Variants in MAML2 observed in about 807,000 individuals in gnomAD.
The protein encoded by MAML2 is mastermind like transcriptional coactivator 2, also known as mastermind-like protein 2.
A neutral mutation model predicts 96.1 loss-of-function variants in MAML2; 22 were observed. That is an observed-to-expected ratio of 0.23 (90% CI 0.16 to 0.33). MAML2 has a LOEUF of 0.33. MAML2 is among the 10% of genes least tolerant of loss of function. The probability of loss-of-function intolerance (pLI) is 1.00; values close to 1 mark genes in which losing one functional copy is unlikely to be tolerated. For missense variants in MAML2, 1,367 were observed against 1,392.4 expected, an observed-to-expected ratio of 0.98 and a Z score of 0.29; for synonymous variants, 561 against 521.3, an observed-to-expected ratio of 1.08 and a Z score of -1.04.
intron 1 of MAML2, among the ~76,000 whole-genome samples, chr11:96,261,424 A>G (rs1249675244): frequency 6.6e-6 from 1 of 152,218 alleles, no homozygotes; most frequent in Non-Finnish European, 1.5e-5. Context: ...AAAACAAACT[A>G]AGACACTCCA....
chr11:96,088,791 G>T (rs1354915084), intron 2 of MAML2, among the ~76,000 whole-genome samples: 1 of 152,084 alleles, frequency 6.6e-6, no homozygotes, highest in African/African-American at 2.4e-5. Flanking sequence ...GAAAATAGAG[G>T]TAGGTACACA....
At chr11:96,184,974 C>T (rs1335897419) in intron 1 of MAML2, among the ~76,000 whole-genome samples, 1 of 152,166 alleles carries the variant, frequency 6.6e-6, no homozygotes, top group Non-Finnish European at 1.5e-5. Context: ...TTTTCTCCCT[C>T]TCAGAAGAAC....
intron 2 of MAML2, among the ~76,000 whole-genome samples, chr11:96,067,898 G>C (rs1256922973): frequency 6.6e-6 from 1 of 152,116 alleles, no homozygotes; most frequent in Non-Finnish European, 1.5e-5. Flanking sequence ...CCTTTGTACA[G>C]AATTCTAACA....
At chr11:95,996,431 C>T (rs991335691) in intron 2 of MAML2, among the ~76,000 whole-genome samples, 10 of 152,116 alleles carry the variant, frequency 6.6e-5, no homozygotes, top group East Asian at 1.9e-4. Flanking sequence ...ATTTCCTTCA[C>T]GGTACCAAAA....
intron 1 of MAML2, among the ~76,000 whole-genome samples, chr11:96,219,029 A>C (rs1256544644): frequency 1.3e-5 from 2 of 152,218 alleles, no homozygotes; most frequent in Non-Finnish European, 2.9e-5. Flanking sequence ...GGTATGTGCA[A>C]AAGTGGAGAC....
At chr11:96,221,722 G>C (rs1281261914) in intron 1 of MAML2, among the ~76,000 whole-genome samples, 1 of 140,782 alleles carries the variant, frequency 7.1e-6, no homozygotes, top group Admixed American at 7.2e-5. Flanking sequence ...ACTGTTCTCT[G>C]GACCTGATTT....
intron 1 of MAML2, among the ~76,000 whole-genome samples, chr11:96,152,878 C>A (rs1415137140): frequency 6.6e-6 from 1 of 152,136 alleles, no homozygotes; most frequent in East Asian, 1.9e-4. Flanking sequence ...AGCCTGCCTG[C>A]CAGAATCTCA....
chr11:96,072,812 T>C (rs1859368149), intron 2 of MAML2, among the ~76,000 whole-genome samples: 1 of 152,196 alleles, frequency 6.6e-6, no homozygotes, highest in Non-Finnish European at 1.5e-5. Context: ...TACCCTGCTC[T>C]GCCAAAGGAA....
chr11:96,088,488 G>C (rs972663010), intron 2 of MAML2, among the ~76,000 whole-genome samples: 1 of 152,138 alleles, frequency 6.6e-6, no homozygotes, highest in Admixed American at 6.5e-5. Flanking sequence ...AGTGCTCACT[G>C]ACTTGAAGAT....
At chr11:96,247,630 C>T (rs559140836) in intron 1 of MAML2, among the ~76,000 whole-genome samples, 1 of 152,142 alleles carries the variant, frequency 6.6e-6, no homozygotes, top group Non-Finnish European at 1.5e-5. Flanking sequence ...AACTCAGCAT[C>T]GTTAGTCTCA....
intron 1 of MAML2, among the ~76,000 whole-genome samples, chr11:96,154,263 G>A (rs898295564): frequency 3.9e-5 from 6 of 152,126 alleles, no homozygotes; most frequent in African/African-American, 1.4e-4. Context: ...AAGCTCCCAG[G>A]TGCGGTAGCT....
intron 1 of MAML2, among the ~76,000 whole-genome samples, chr11:96,281,970 C>T (rs1863073614): frequency 6.6e-6 from 1 of 152,120 alleles, no homozygotes; most frequent in African/African-American, 2.4e-5. Flanking sequence ...TGACTGTAGG[C>T]CAGGCGCGGT....
chr11:96,185,255 A>G (rs781339949), intron 1 of MAML2, among the ~76,000 whole-genome samples: 1 of 151,676 alleles, frequency 6.6e-6, no homozygotes, highest in African/African-American at 2.4e-5. Context: ...CAGAAATAAC[A>G]GGACTTTGGT....
rs945937595 is a variant in MAML2, at chr11:96,263,261, C to T, written c.513+78122G>A. Among the ~76,000 whole-genome samples the T allele has an allele frequency of 3.3e-5, 5 of 152,174 alleles. No homozygotes were observed. The East Asian group carries it at 9.6e-4, about 29-fold the overall frequency. On this transcript the variant is annotated intron_variant, in intron 1 of 4. Coordinates refer to ENST00000524717, the MANE Select transcript of MAML2 (RefSeq NM_032427.4). The stretch of plus-strand genomic sequence containing the variant: ...TTCAGGTATGTTTTGAATACACTGC[C>T]TGTCATTGTTAAAAGCAGGACTGAG...
intron 1 of MAML2, among the ~76,000 whole-genome samples, chr11:96,123,255 G>C (rs759307966): frequency 6.6e-6 from 1 of 151,962 alleles, no homozygotes; most frequent in Non-Finnish European, 1.5e-5. Context: ...CCAAAAAAAT[G>C]CCATCACAAT....
chr11:96,129,953 C>G (rs760631545), intron 1 of MAML2, among the ~76,000 whole-genome samples: 14 of 152,332 alleles, frequency 9.2e-5, no homozygotes, highest in Non-Finnish European at 1.5e-4. Context: ...CTAAGAACTA[C>G]TAGGTATAAT....
chr11:96,259,676 C>G (rs1481785297), intron 1 of MAML2, among the ~76,000 whole-genome samples: 1 of 152,190 alleles, frequency 6.6e-6, no homozygotes, highest in East Asian at 1.9e-4. Context: ...CCAACAAACA[C>G]AAAGTAAGTC....
chr11:96,105,438 G>C (rs893389051), intron 1 of MAML2, among the ~76,000 whole-genome samples: 1 of 152,200 alleles, frequency 6.6e-6, no homozygotes, highest in Non-Finnish European at 1.5e-5. Flanking sequence ...AACTGGTTTG[G>C]ATACAATCAC....
At chr11:96,059,578 C>A (rs1310039552) in intron 2 of MAML2, among the ~76,000 whole-genome samples, 1 of 152,002 alleles carries the variant, frequency 6.6e-6, no homozygotes, top group Non-Finnish European at 1.5e-5. Context: ...TACTAGGGAC[C>A]AGAGGTGATT....
Sources: gnomAD v4.1 joint callset for allele counts (sites outside exome capture counted in the v4.1 genomes callset) on GRCh38, gnomAD v4.1.1 for gene constraint, MANE v1.5 for transcripts, NCBI Gene and HGNC (gene_info 2026-07-23, HGNC 2026-07-21) for gene names.